Variants in PHLDB1 observed in about 807,000 individuals in gnomAD.
The protein encoded by PHLDB1 is pleckstrin homology-like domain family B member 1.
A neutral mutation model predicts 139.3 loss-of-function variants in PHLDB1; 65 were observed. That is an observed-to-expected ratio of 0.47 (90% CI 0.38 to 0.57). The LOEUF (loss-of-function observed/expected upper bound fraction) is 0.57, where lower values mean the gene tolerates loss of function less well. Among genes scored for constraint, PHLDB1 ranks in the 20% least tolerant of loss-of-function variants. PHLDB1 has a pLI of 0.00. For missense variants in PHLDB1, 1,624 were observed against 1,839.7 expected (o/e 0.88, Z 2.14); for synonymous variants, 679 against 734.5 (o/e 0.92, Z 1.22).
In PHLDB1 at chr11:118,632,790, GC is replaced by G; in HGVS notation, c.2379+498del. 1.1e-6 allele frequency: 1 copy of G among 905,020 alleles called. No individual in the cohort carries two copies. Among genetic ancestry groups the G allele is most frequent in the Non-Finnish European group, 1.3e-6 (1 of 754,796 alleles). The allele number at this position is 905,020 out of a possible 1,614,324, so 56.1% of individuals were successfully genotyped here. On this transcript the variant is annotated intron_variant, in intron 9 of 22. Coordinates refer to ENST00000600882, the MANE Select transcript of PHLDB1 (RefSeq NM_001144758.3). This position sits in a 1 kb window ranked among gnomAD's most constrained non-coding sequence, Gnocchi z 5.9. ...CCCATCCCAGGTGATCCTAGCTCCT[GC>G]CCCTGCCCCTTTCAGATTTCGTGCC...
chr11:118,633,798 T>C (rs984264182), intron 9 of PHLDB1: 3 of 151,986 alleles, frequency 2.0e-5, no homozygotes, highest in African/African-American at 2.4e-5. Flanking sequence ...GGTAGATGAG[T>C]TGGGTAGAGG....
intron 15 of PHLDB1, chr11:118,644,642 G>A (rs571938772): frequency 1.0e-5 from 13 of 1,288,506 alleles, no homozygotes; most frequent in Admixed American, 9.2e-5. Flanking sequence ...GGTCCCCCAC[G>A]CCAGTCGAGT....
In PHLDB1 at chr11:118,632,159, G is replaced by C. The variant is rs781805016; in HGVS notation, c.2242G>C (p.Ala748Pro). ...TGGGGACCCTGGTGTCTGCCCCCAG[G>C]CCGAAATGGAGCGGGCACTGCTGCA... ...EQQLQESARE[A>P]EMERALLQGE... The change falls in exon 9 of 23, where the codon GCC (alanine) becomes CCC (proline). Residue 748 changes from alanine (A) to proline (P), a missense_variant and splice_region_variant. Coordinates refer to ENST00000600882, the MANE Select transcript of PHLDB1 (RefSeq NM_001144758.3). This position sits in a 1 kb window ranked among gnomAD's most constrained non-coding sequence, Gnocchi z 5.9. 6.2e-7 allele frequency: 1 copy of C among 1,613,982 alleles called. No individual in the cohort carries two copies. Among genetic ancestry groups the C allele is most frequent in the East Asian group, 2.2e-5 (1 of 44,878 alleles).
rs112552940 is a variant in PHLDB1, at chr11:118,639,159, C to T, written c.2647-3C>T. On this transcript the variant is annotated splice_polypyrimidine_tract_variant and splice_region_variant and intron_variant, in intron 11 of 22. Transcript: ENST00000600882. The stretch of plus-strand genomic sequence containing the variant: ...CTTTGACTCTGCCATTCTGGGCTCG[C>T]AGGAGAAGGAGAAGCTGACTGTGCT... 0.032 allele frequency: 51,120 copies of T among 1,613,182 alleles called. 1,045 individuals are homozygous for T. The highest frequency in any genetic ancestry group is 0.035 in the Non-Finnish European group (41,321 of 1,179,096).
At chr11:118,649,900 A>T (rs1312601628) in intron 18 of PHLDB1, among the ~76,000 whole-genome samples, 177 bp from the exon 19 acceptor site, 1 of 152,236 alleles carries the variant, frequency 6.6e-6, no homozygotes, top group African/African-American at 2.4e-5. Context: ...GGTAGAGTCA[A>T]CATAGGCATG....
chr11:118,637,749 C>T (rs1945881817), intron 10 of PHLDB1: 2 of 152,162 alleles, frequency 1.3e-5, no homozygotes, highest in Admixed American at 1.3e-4. Flanking sequence ...GGTTTAAGGC[C>T]GCCTTCTTCA....
Position 118,620,395 on chromosome 11 carries a change from G to A in PHLDB1, c.355+4184G>A, listed in dbSNP as rs782616889. Among the ~76,000 whole-genome samples the A allele has an allele frequency of 6.6e-6, 1 of 152,254 alleles. No individual in the cohort carries two copies. Among genetic ancestry groups the A allele is most frequent in the Non-Finnish European group, 1.5e-5 (1 of 68,040 alleles). On this transcript the variant is annotated intron_variant, in intron 4 of 22. Coordinates refer to ENST00000600882, the MANE Select transcript of PHLDB1 (RefSeq NM_001144758.3). The surrounding 1 kb of genome is among the most constrained non-coding windows in gnomAD (Gnocchi z 4.1). ...TGTAGTCCCAGCTATGGGAGGCTGA[G>A]GCAGGAGAATCGCTTGAACCCCGGA...
At position 118,644,255 on chromosome 11, in the gene PHLDB1, T is replaced by G; in HGVS notation, c.3121+81T>G. 3 of 941,810 alleles carry G rather than the reference T, an allele frequency of 3.2e-6. No homozygotes were observed. In the South Asian group the frequency reaches 4.2e-5, roughly 13 times the overall value. 58.3% of individuals were successfully genotyped at this position (941,810 alleles called of 1,614,324 possible). On this transcript the variant is annotated intron_variant, in intron 15 of 22. Coordinates refer to ENST00000600882, the MANE Select transcript of PHLDB1 (RefSeq NM_001144758.3). ...CCATGCCTCCTCTATGCTCACACCT[T>G]TCACAGGATGTTTTTCCTTTAATTG...
At chr11:118,624,441 A>G (rs1591537690) in intron 4 of PHLDB1, 1 of 155,988 alleles carries the variant, frequency 6.4e-6, no homozygotes, top group East Asian at 1.9e-4. Context: ...TGCCCATCTC[A>G]AGCACAGGCA....
chr11:118,628,128 C>T lies in PHLDB1; in HGVS notation c.1305C>T (p.Thr435=). 1 of 1,614,054 alleles carries T rather than the reference C, an allele frequency of 6.2e-7. No homozygotes were observed. Among genetic ancestry groups the T allele is most frequent in the Non-Finnish European group, 8.5e-7 (1 of 1,180,016 alleles). Residue 435 remains threonine, a synonymous_variant, in exon 6 of 23, where the codon ACC becomes ACT. Transcript: ENST00000600882. The part of the protein sequence containing the change: ...VGRTFSDGLA[T]RTLQPPESPR... ...GAACATTTTCAGATGGGTTAGCCACCCGTACCCTGCAGCCTCCTGAGAGTC... is the reference window on the plus strand; with the variant it reads ...GAACATTTTCAGATGGGTTAGCCACTCGTACCCTGCAGCCTCCTGAGAGTC...
In PHLDB1 at chr11:118,650,718, A is replaced by G; in HGVS notation, c.3874+171A>G. On this transcript the variant is annotated intron_variant, in intron 20 of 22. Transcript: ENST00000600882. This position sits in a 1 kb window ranked among gnomAD's most constrained non-coding sequence, Gnocchi z 4.7. ...TACACAATGTACCTGGTTCACCTCCATTTTTGTGTTCATTCATTCATTCCT... is the reference window on the plus strand; with the variant it reads ...TACACAATGTACCTGGTTCACCTCCGTTTTTGTGTTCATTCATTCATTCCT... 1.7e-6 allele frequency: 1 copy of G among 601,778 alleles called. No individual in the cohort carries two copies. Among genetic ancestry groups the G allele is most frequent in the Non-Finnish European group, 3.0e-6 (1 of 337,198 alleles). The allele number at this position is 601,778 out of a possible 1,614,324, so 37.3% of individuals were successfully genotyped here.
At chr11:118,649,685 G>A (rs1413137205) in intron 18 of PHLDB1, among the ~76,000 whole-genome samples, 2 of 152,142 alleles carry the variant, frequency 1.3e-5, no homozygotes, top group East Asian at 1.9e-4. Flanking sequence ...GAGAAGGGAT[G>A]TGACCCAAAC....
chr11:118,607,413 G>T (rs2135570985), upstream of PHLDB1, among the ~76,000 whole-genome samples: 1 of 126,124 alleles, frequency 7.9e-6, no homozygotes, highest in East Asian at 2.6e-4. Context: ...CTGCAAAGAT[G>T]AACAAAGCGG....
Position 118,645,315 on chromosome 11 carries a change from C to T in PHLDB1, c.3122-41C>T, listed in dbSNP as rs371614900. The T allele has an allele frequency of 2.7e-6, 4 of 1,462,244 alleles. No homozygotes were observed. The highest frequency in any genetic ancestry group is 3.7e-6 in the Non-Finnish European group (4 of 1,091,524). 90.6% of individuals were successfully genotyped at this position (1,462,244 alleles called of 1,614,324 possible). A position where few individuals can be genotyped will look rare whatever the true frequency, so the allele number is the denominator to read the frequency against. ...CTGCCAGTGGCCTGCTCCTTAGCTG[C>T]GTGGGGAGCCCACTGTGACTCCCAT... On this transcript the variant is annotated intron_variant, in intron 15 of 22. Transcript: ENST00000600882. This position sits in a 1 kb window ranked among gnomAD's most constrained non-coding sequence, Gnocchi z 5.1.
chr11:118,655,619 A>G lies in PHLDB1; in HGVS notation c.3889A>G (p.Lys1297Glu). 1 of 1,612,496 alleles carries G rather than the reference A, an allele frequency of 6.2e-7. No homozygotes were observed. Among genetic ancestry groups the G allele is most frequent in the Non-Finnish European group, 8.5e-7 (1 of 1,178,654 alleles). The change falls in exon 21 of 23, where the codon AAG (lysine) becomes GAG (glutamate). Residue 1297 changes from lysine (K) to glutamate (E), a missense_variant. By Grantham distance (56) the Lys-to-Glu change is moderately conservative. Transcript: ENST00000600882. Reference sequence around the variant, plus strand: ...TTGCTTTGCAGACAAGCATGAGACGAAGCTGAAGGGAGTCATCTATTTCCA... The same window carrying G: ...TTGCTTTGCAGACAAGCATGAGACGGAGCTGAAGGGAGTCATCTATTTCCA... ...LSYYVDKHETKLKGVIYFQAI... is the reference protein window; with the variant it reads ...LSYYVDKHETELKGVIYFQAI...
At chr11:118,614,477 G>A in intron 2 of PHLDB1, 82 bp from the exon 3 acceptor site, 2 of 1,507,858 alleles carry the variant, frequency 1.3e-6, no homozygotes, top group Non-Finnish European at 1.8e-6. Flanking sequence ...GGCGAGGGCT[G>A]GAGAGAGTGC....
At chr11:118,626,127 G>C (rs1227323260) in intron 5 of PHLDB1, among the ~76,000 whole-genome samples, 2 of 152,136 alleles carry the variant, frequency 1.3e-5, no homozygotes, top group African/African-American at 4.8e-5. Flanking sequence ...TCACCTCCTT[G>C]CTGGCAGCCT....
intron 12 of PHLDB1, 112 bp downstream of exon 12, chr11:118,639,363 T>C (rs1339879676): frequency 2.6e-6 from 2 of 766,130 alleles, no homozygotes; most frequent in South Asian, 1.5e-5. Context: ...GGCATCTTCC[T>C]GAATGGGAGA....
rs975360655 is a variant in PHLDB1, at chr11:118,648,319, G to C, written c.3654+243G>C. On this transcript the variant is annotated intron_variant, in intron 18 of 22. Transcript: ENST00000600882. ...TGTGTGTGTGTGTGTGTGTGTGTGT[G>C]TGTGTTTGTGTGCTGGGGTAGTGGG... Among the ~76,000 whole-genome samples the C allele has an allele frequency of 2.4e-5, 3 of 122,880 alleles. No homozygotes were observed. In the Admixed American group the frequency reaches 2.4e-4, roughly 10 times the overall value. 80.6% of individuals were successfully genotyped at this position (122,880 alleles called of 152,430 possible).
Sources: gnomAD v4.1 joint callset for allele counts (sites outside exome capture counted in the v4.1 genomes callset) on GRCh38, gnomAD v4.1.1 for gene constraint, Gnocchi (gnomAD v3.1) non-coding constraint, MANE v1.5 for transcripts, NCBI Gene and HGNC (gene_info 2026-07-23, HGNC 2026-07-21) for gene names.